Variants in SLCO3A1 observed in about 807,000 individuals in gnomAD.
SLCO3A1 encodes PGE1 transporter.
SLCO3A1 carries 27 observed loss-of-function variants against 63.1 expected under a neutral mutation model. That is an observed-to-expected ratio of 0.43 (90% CI 0.32 to 0.59). The LOEUF (loss-of-function observed/expected upper bound fraction) is 0.59, where lower values mean the gene tolerates loss of function less well. Among genes scored for constraint, SLCO3A1 ranks in the 20% least tolerant of loss-of-function variants. The pLI, the probability that SLCO3A1 is intolerant of heterozygous loss-of-function variation, is 0.09. For synonymous variants in SLCO3A1, 473 were observed against 409.9 expected, an observed-to-expected ratio of 1.15 and a Z score of -1.86; for missense variants, 773 against 945.8, an observed-to-expected ratio of 0.82 and a Z score of 2.40.
intron 1 of SLCO3A1, among the ~76,000 whole-genome samples, chr15:91,899,383 A>C (rs182097237): frequency 2.0e-5 from 3 of 152,038 alleles, no homozygotes; most frequent in Non-Finnish European, 4.4e-5. Flanking sequence ...TGCCTTTTCC[A>C]CTTTGATGCA....
intron 2 of SLCO3A1, among the ~76,000 whole-genome samples, chr15:92,010,590 G>C (rs2046358423): frequency 6.6e-6 from 1 of 152,144 alleles, no homozygotes; most frequent in South Asian, 2.1e-4. Flanking sequence ...TTTGCTTCCT[G>C]TTACAGTGCC....
intron 2 of SLCO3A1, among the ~76,000 whole-genome samples, chr15:92,062,482 A>C (rs533621764): frequency 6.6e-6 from 1 of 152,260 alleles, no homozygotes; most frequent in South Asian, 2.1e-4. Flanking sequence ...TCAAGCCACT[A>C]ATGAGTTTTG....
chr15:92,045,475 A>G (rs1457495865), intron 2 of SLCO3A1, among the ~76,000 whole-genome samples: 1 of 152,142 alleles, frequency 6.6e-6, no homozygotes, highest in African/African-American at 2.4e-5. Flanking sequence ...TACATGACTG[A>G]TATTATGCTA....
intron 9 of SLCO3A1, among the ~76,000 whole-genome samples, chr15:92,155,683 G>A (rs189040874): frequency 9.0e-4 from 127 of 141,208 alleles, no homozygotes; most frequent in Non-Finnish European, 7.2e-4. Context: ...GGGTTTGAAC[G>A]GTAAAGACAG....
intron 9 of SLCO3A1, among the ~76,000 whole-genome samples, chr15:92,156,055 A>G (rs1019180573): frequency 6.6e-6 from 1 of 151,952 alleles, no homozygotes; most frequent in African/African-American, 2.4e-5. Context: ...TTTGTGAACT[A>G]CTCTGGAAAA....
rs184674790 is a variant in SLCO3A1 at position 91,897,914 on chromosome 15, A to G, written c.181-18079A>G. Among the ~76,000 whole-genome samples the G allele has an allele frequency of 1.3e-4, 20 of 152,074 alleles. No individual in the cohort carries two copies. In the East Asian group the frequency reaches 3.9e-3, roughly 30 times the overall value. On this transcript the variant is annotated intron_variant, in intron 1 of 9. Coordinates refer to ENST00000318445, the MANE Select transcript of SLCO3A1 (RefSeq NM_013272.4). This position sits in a 1 kb window ranked among gnomAD's most constrained non-coding sequence, Gnocchi z 4.7. ...AGAGCCAGGCGAAGTTGAGAACAAG[A>G]AGGAATCGCTGCTCTACACACACGG...
chr15:92,163,847 C>T lies in SLCO3A1; in HGVS notation c.*712C>T. The T allele has an allele frequency of 1.0e-6, 1 of 985,624 alleles. No individual in the cohort carries two copies. Among genetic ancestry groups the T allele is most frequent in the Non-Finnish European group, 1.2e-6 (1 of 830,118 alleles). The allele number at this position is 985,624 out of a possible 1,614,324, so 61.1% of individuals were successfully genotyped here. A position where few individuals can be genotyped will look rare whatever the true frequency, so the allele number is the denominator to read the frequency against. ...CCATTTCCATGTTCAAGACTGAGGG[C>T]CTGAGGGGGAGCCAGGTGGGGGGCC... is the stretch of plus-strand genomic sequence containing the variant. On this transcript the variant is annotated 3_prime_UTR_variant, in exon 10 of 10. Transcript: ENST00000318445.
rs575773059 is a variant in SLCO3A1 at position 91,956,456 on chromosome 15, G to A, written c.646+39998G>A. 1.5e-4 allele frequency among the ~76,000 whole-genome samples: 23 copies of A among 152,168 alleles called. 1 individual carries two copies. In the South Asian group the frequency reaches 3.5e-3, roughly 23 times the overall value. ...ATATTTATTTGTGAGTGGAGTAAGCGGAATTTTTCAAAGAGAAGCAGTTTG... is the reference window on the plus strand; with the variant it reads ...ATATTTATTTGTGAGTGGAGTAAGCAGAATTTTTCAAAGAGAAGCAGTTTG... On this transcript the variant is annotated intron_variant, in intron 2 of 9. Transcript: ENST00000318445.
intron 4 of SLCO3A1, among the ~76,000 whole-genome samples, chr15:92,115,916 T>A (rs1224768377): frequency 6.6e-6 from 1 of 151,900 alleles, no homozygotes; most frequent in Non-Finnish European, 1.5e-5. Context: ...TTATTATTGC[T>A]ATTACTATCA....
At chr15:92,111,164 C>T (rs958448389) in intron 4 of SLCO3A1, among the ~76,000 whole-genome samples, 1 of 152,156 alleles carries the variant, frequency 6.6e-6, no homozygotes, top group African/African-American at 2.4e-5. Flanking sequence ...CAGGACCCAG[C>T]TCATGCCTCT....
At chr15:92,162,583 A>G (rs753303744) in intron 9 of SLCO3A1, 173 bp from the exon 10 acceptor site, 52 of 1,066,080 alleles carry the variant, frequency 4.9e-5, no homozygotes, top group Non-Finnish European at 6.5e-5. Flanking sequence ...GTACCATAAT[A>G]AAAAGGCAGA....
At chr15:91,919,453 G>A (rs773945236) in intron 2 of SLCO3A1, among the ~76,000 whole-genome samples, 7 of 152,212 alleles carry the variant, frequency 4.6e-5, no homozygotes, top group Non-Finnish European at 1.0e-4. Context: ...GGCATCATGC[G>A]GCACCCGGAC....
chr15:91,983,773 A>T (rs1240685699), intron 2 of SLCO3A1, among the ~76,000 whole-genome samples: 1 of 152,192 alleles, frequency 6.6e-6, no homozygotes, highest in Non-Finnish European at 1.5e-5. Flanking sequence ...CTGGTAGCAG[A>T]AACAGGGTGG....
intron 2 of SLCO3A1, among the ~76,000 whole-genome samples, chr15:92,035,684 C>T (rs1321182036): frequency 6.6e-6 from 1 of 151,744 alleles, no homozygotes; most frequent in Non-Finnish European, 1.5e-5. Context: ...ACCTTTAGGA[C>T]CTGTCCTTTG....
At chr15:91,944,926 T>G (rs1283051568) in intron 2 of SLCO3A1, among the ~76,000 whole-genome samples, 1 of 152,220 alleles carries the variant, frequency 6.6e-6, no homozygotes, top group African/African-American at 2.4e-5. Flanking sequence ...CGCCCAAATT[T>G]CAACTTTTCT....
In SLCO3A1 at chr15:92,159,747, A is replaced by T. The variant is rs116468597; in HGVS notation, c.1754-3009A>T. Among the ~76,000 whole-genome samples, 923 of 152,138 alleles carry T rather than the reference A, an allele frequency of 6.1e-3. 4 individuals carry two copies. The highest frequency in any genetic ancestry group is 0.021 in the African/African-American group (851 of 41,492). On this transcript the variant is annotated intron_variant, in intron 9 of 9. Transcript: ENST00000318445. ...TTTTGTCATCTGGTAGTGGAGCTTGACAATAGGCAAGATATAATTGGCATA... is the reference window on the plus strand; with the variant it reads ...TTTTGTCATCTGGTAGTGGAGCTTGTCAATAGGCAAGATATAATTGGCATA...
rs1050163976 is a variant in SLCO3A1, at chr15:92,126,062, G to T, written c.1176G>T (p.Gly392=). The T allele has an allele frequency of 6.2e-7, 1 of 1,613,682 alleles. No homozygotes were observed. Among genetic ancestry groups the T allele is most frequent in the Non-Finnish European group, 8.5e-7 (1 of 1,179,906 alleles). Residue 392 remains glycine (G), a splice_region_variant and synonymous_variant, in exon 6 of 10, where the codon GGG becomes GGT. Coordinates refer to ENST00000318445, the MANE Select transcript of SLCO3A1 (RefSeq NM_013272.4). Reference sequence around the variant, plus strand: ...CCTGCCCCTCTATTTTCCTTCCAGGGATGACTGCGATCCCGTGTGCTTGTC... The same window carrying T: ...CCTGCCCCTCTATTTTCCTTCCAGGTATGACTGCGATCCCGTGTGCTTGTC... ...LTTSSANQLL[G]MTAIPCACLG...
At chr15:92,026,004 G>A (rs1382825309) in intron 2 of SLCO3A1, among the ~76,000 whole-genome samples, 2 of 152,148 alleles carry the variant, frequency 1.3e-5, no homozygotes, top group Non-Finnish European at 2.9e-5. Flanking sequence ...CAGTCCTTTG[G>A]CCTGTTTCTT....
At chr15:91,861,162 G>A (rs1897038509) in intron 1 of SLCO3A1, among the ~76,000 whole-genome samples, 1 of 152,214 alleles carries the variant, frequency 6.6e-6, no homozygotes, top group African/African-American at 2.4e-5. Flanking sequence ...GTGCTCAGAA[G>A]ACCTCAGAGC....
Sources: allele counts gnomAD v4.1 joint callset (sites outside exome capture counted in the v4.1 genomes callset), GRCh38; gene constraint gnomAD v4.1.1; non-coding constraint Gnocchi (gnomAD v3.1); transcripts MANE v1.5; gene names NCBI Gene and HGNC (gene_info 2026-07-23, HGNC 2026-07-21).